Variants in LTBP1 observed in about 807,000 individuals in gnomAD.
LTBP1 encodes the protein latent-transforming growth factor beta-binding protein 1.
Under a neutral mutation model 207.6 loss-of-function variants are expected in LTBP1, and 129 were observed. That is an observed-to-expected ratio of 0.62 (90% confidence interval 0.54 to 0.72). The LOEUF is 0.72. Among genes scored for constraint, LTBP1 ranks in the 30% least tolerant of loss-of-function variants. The probability of loss-of-function intolerance (pLI) is 0.00; values close to 1 mark genes in which losing one functional copy is unlikely to be tolerated. For synonymous variants in LTBP1, 963 were observed against 833.7 expected (o/e 1.16, Z -2.67); for missense variants, 2,281 against 2,217.2 (o/e 1.03, Z -0.58).
At position 33,228,329 on chromosome 2, in the gene LTBP1, G is replaced by A. The variant is rs146040771; in HGVS notation, c.1876+6178G>A. Reference sequence around the variant, plus strand: ...CACTTTATATCAGTTATCTCCATTAGCCTTTAAGTTTTCTATTTAAAGTAG... The same window carrying A: ...CACTTTATATCAGTTATCTCCATTAACCTTTAAGTTTTCTATTTAAAGTAG... On this transcript the variant is annotated intron_variant, in intron 9 of 33. Transcript: ENST00000404816. Among the ~76,000 whole-genome samples, 6 of 152,200 alleles carry A rather than the reference G, an allele frequency of 3.9e-5. 1 individual carries two copies. The highest frequency in any genetic ancestry group is 1.9e-4 in the East Asian group (1 of 5,178).
At chr2:33,229,053 T>G (rs1469398211) in intron 9 of LTBP1, among the ~76,000 whole-genome samples, 1 of 152,168 alleles carries the variant, frequency 6.6e-6, no homozygotes, top group Non-Finnish European at 1.5e-5. Flanking sequence ...AATTATATAT[T>G]TGTTTATATT....
chr2:33,188,925 T>C (rs1227184908), intron 7 of LTBP1, 74 bp downstream of exon 7: 2 of 1,482,366 alleles, frequency 1.3e-6, no homozygotes, highest in Non-Finnish European at 1.8e-6. Flanking sequence ...AAGCCAGACT[T>C]GATAAAAATG....
At chr2:33,107,852 A>G (rs1485669255) in intron 3 of LTBP1, among the ~76,000 whole-genome samples, 2 of 134,418 alleles carry the variant, frequency 1.5e-5, no homozygotes, top group East Asian at 1.3e-3. Flanking sequence ...CCACTTTGAA[A>G]AATTACGGTT....
chr2:33,015,236 T>C (rs1688211735), intron 2 of LTBP1, among the ~76,000 whole-genome samples: 1 of 152,344 alleles, frequency 6.6e-6, no homozygotes, highest in African/African-American at 2.4e-5. Flanking sequence ...GCAGACTTTG[T>C]GTCTTTGCAG....
At chr2:33,108,906 TCAAAA>T (rs1414086553) in intron 3 of LTBP1, among the ~76,000 whole-genome samples, 1 of 152,200 alleles carries the variant, frequency 6.6e-6, no homozygotes. Flanking sequence ...ACTTACATCA[TCAAAA>T]CAAAAGTGTT....
chr2:33,059,210 A>C (rs1285800376), intron 3 of LTBP1, among the ~76,000 whole-genome samples: 1 of 152,224 alleles, frequency 6.6e-6, no homozygotes, highest in Non-Finnish European at 1.5e-5. Flanking sequence ...TAAGTATAAA[A>C]TGTGACCATA....
At chr2:33,298,122 C>G (rs901072949) in intron 20 of LTBP1, among the ~76,000 whole-genome samples, 1 of 152,180 alleles carries the variant, frequency 6.6e-6, no homozygotes, top group Non-Finnish European at 1.5e-5. Context: ...TCCAGCATTC[C>G]TATTTTATTA....
At chr2:33,040,484 A>G (rs1360728797) in intron 3 of LTBP1, among the ~76,000 whole-genome samples, 2 of 152,210 alleles carry the variant, frequency 1.3e-5, no homozygotes, top group Non-Finnish European at 2.9e-5. Flanking sequence ...AGTTCCAAGA[A>G]GAGGGATGTG....
At chr2:33,018,889 A>C (rs540397216) in intron 2 of LTBP1, among the ~76,000 whole-genome samples, 58 of 152,030 alleles carry the variant, frequency 3.8e-4, no homozygotes, top group Non-Finnish European at 8.1e-4. Flanking sequence ...CTTTTAGAGA[A>C]TCCTTCCCAA....
chr2:33,323,980 G>T (rs1354488548), intron 24 of LTBP1, among the ~76,000 whole-genome samples: 1 of 152,140 alleles, frequency 6.6e-6, no homozygotes, highest in Admixed American at 6.5e-5. Context: ...GAGTGCTTCA[G>T]TTCCCTCTCT....
chr2:33,044,376 G>T (rs202175203), intron 3 of LTBP1, among the ~76,000 whole-genome samples: 3 of 151,636 alleles, frequency 2.0e-5, no homozygotes, highest in African/African-American at 2.4e-5. Flanking sequence ...TTGGTTTTCT[G>T]TTCCTGTGTT....
At chr2:33,293,046 G>C in intron 19 of LTBP1, 114 bp from the exon 20 acceptor site, 1 of 1,079,362 alleles carries the variant, frequency 9.3e-7, no homozygotes, top group South Asian at 1.8e-5. Flanking sequence ...TTATCTTTAA[G>C]AATCTGCCTG....
intron 3 of LTBP1, among the ~76,000 whole-genome samples, chr2:33,035,641 A>G (rs1203478464): frequency 2.0e-5 from 3 of 152,262 alleles, no homozygotes; most frequent in Non-Finnish European, 4.4e-5. Context: ...CACTGTAAAC[A>G]TTTAATAGTC....
chr2:33,346,943 C>T (rs971311788), intron 25 of LTBP1, among the ~76,000 whole-genome samples: 2 of 151,894 alleles, frequency 1.3e-5, no homozygotes, highest in African/African-American at 2.4e-5. Context: ...GGTGGAACCC[C>T]GTTGCTACTT....
chr2:32,994,649 T>C (rs1162825671), intron 2 of LTBP1, among the ~76,000 whole-genome samples: 4 of 152,094 alleles, frequency 2.6e-5, no homozygotes, highest in Admixed American at 6.6e-5. Flanking sequence ...GTATTTTTAA[T>C]AGAGACGGGG....
At chr2:33,008,974 C>G (rs150428243) in intron 2 of LTBP1, among the ~76,000 whole-genome samples, 14 of 152,204 alleles carry the variant, frequency 9.2e-5, no homozygotes, top group Admixed American at 3.3e-4. Flanking sequence ...GTGTGGCACT[C>G]AAGGGAGTGC....
intron 22 of LTBP1, among the ~76,000 whole-genome samples, chr2:33,306,587 AC>A (rs931785950): frequency 1.3e-5 from 2 of 151,964 alleles, no homozygotes; most frequent in African/African-American, 4.8e-5. Flanking sequence ...AAAACCAAAA[AC>A]CAGCATGAAC....
At chr2:33,239,932 A>AAATT (rs1391553832) in intron 9 of LTBP1, among the ~76,000 whole-genome samples, 1 of 151,586 alleles carries the variant, frequency 6.6e-6, no homozygotes, top group African/African-American at 2.4e-5. Context: ...ATAAATAAAT[A>AAATT]AATAAAAATA....
chr2:33,259,611 G>T lies in LTBP1; in HGVS notation c.2418+1G>T. On this transcript the variant is annotated splice_donor_variant, in intron 13 of 33. Transcript: ENST00000404816. LOFTEE classifies it high-confidence loss of function. ...AGTGGCAACTGCACCCCCTGAAAAG[G>T]TAATTTATTCATTGCTTGCAAGTCT... is the stretch of plus-strand genomic sequence containing the variant. 6.2e-7 allele frequency: 1 copy of T among 1,601,230 alleles called. No homozygotes were observed. The highest frequency in any genetic ancestry group is 1.1e-5 in the South Asian group (1 of 88,398).
Sources: gnomAD v4.1 joint callset for allele counts (sites outside exome capture counted in the v4.1 genomes callset) on GRCh38, gnomAD v4.1.1 for gene constraint, MANE v1.5 for transcripts, NCBI Gene and HGNC (gene_info 2026-07-23, HGNC 2026-07-21) for gene names.